Variants in CSMD1 observed in about 807,000 individuals in gnomAD.
The protein encoded by CSMD1 is CUB and sushi domain-containing protein 1.
A neutral mutation model predicts 417.5 loss-of-function variants in CSMD1; 213 were observed. The ratio of observed to expected loss-of-function variants is 0.51; its 90% CI spans 0.46 to 0.57. The LOEUF (loss-of-function observed/expected upper bound fraction) is 0.57, where lower values mean the gene tolerates loss of function less well. CSMD1 is among the 20% of genes least tolerant of loss of function. The probability of loss-of-function intolerance (pLI) is 0.00; values close to 1 mark genes in which losing one functional copy is unlikely to be tolerated. For synonymous variants in CSMD1, 2,862 were observed against 1,736.8 expected (o/e 1.65, Z -16.11); for missense variants, 6,923 against 4,529.7 (o/e 1.53, Z -15.17).
chr8:4,086,927 C>T (rs1169248604), intron 3 of CSMD1, among the ~76,000 whole-genome samples: 1 of 152,202 alleles, frequency 6.6e-6, no homozygotes, highest in Non-Finnish European at 1.5e-5. Flanking sequence ...GCTTGTTAAA[C>T]TCACTAACCA....
At chr8:3,231,597 G>A (rs1798843148) in intron 26 of CSMD1, among the ~76,000 whole-genome samples, 2 of 152,036 alleles carry the variant, frequency 1.3e-5, no homozygotes, top group South Asian at 4.1e-4. Context: ...AAAAGAATAA[G>A]ACCTGCTCTG....
chr8:3,611,362 G>A (rs1210988448), intron 8 of CSMD1, among the ~76,000 whole-genome samples: 6 of 152,122 alleles, frequency 3.9e-5, no homozygotes, highest in African/African-American at 1.2e-4. Flanking sequence ...AGGGAGCTCT[G>A]GAGGAACAAA....
chr8:4,630,448 TACTCAAAAACAAA>T (rs552397637), intron 2 of CSMD1, among the ~76,000 whole-genome samples: 328 of 151,990 alleles, frequency 2.2e-3, no homozygotes, highest in African/African-American at 7.6e-3. Context: ...CAACTGCAAA[TACTCAAAAACAAA>T]ACAAAACAAA....
At chr8:2,950,069 G>C (rs545834246) in intron 67 of CSMD1, among the ~76,000 whole-genome samples, 162 bp downstream of exon 67, 2 of 152,160 alleles carry the variant, frequency 1.3e-5, no homozygotes, top group East Asian at 3.9e-4. Flanking sequence ...ATAAAATGAA[G>C]GAATAAAATG....
chr8:3,439,292 TA>T, intron 12 of CSMD1, among the ~76,000 whole-genome samples: 1 of 46,178 alleles, frequency 2.2e-5, no homozygotes, highest in East Asian at 7.8e-4. Context: ...TATATATATA[TA>T]TATATATATA....
At chr8:4,405,124 T>C (rs541581701) in intron 3 of CSMD1, among the ~76,000 whole-genome samples, 10 of 152,338 alleles carry the variant, frequency 6.6e-5, no homozygotes, top group Admixed American at 2.0e-4. Flanking sequence ...TGCCTTAGCA[T>C]TGGTTATTTC....
intron 1 of CSMD1, among the ~76,000 whole-genome samples, chr8:4,703,786 G>A (rs1166046048): frequency 2.0e-5 from 3 of 152,120 alleles, no homozygotes; most frequent in Non-Finnish European, 4.4e-5. Context: ...GGGATACGAA[G>A]AGACCCGATC....
intron 3 of CSMD1, among the ~76,000 whole-genome samples, chr8:4,231,572 A>G (rs1801736179): frequency 6.6e-6 from 1 of 152,186 alleles, no homozygotes; most frequent in African/African-American, 2.4e-5. Flanking sequence ...TTTGCATGTA[A>G]CTATTATTGT....
At chr8:3,768,709 T>C (rs1273582832) in intron 5 of CSMD1, among the ~76,000 whole-genome samples, 2 of 152,238 alleles carry the variant, frequency 1.3e-5, no homozygotes, top group African/African-American at 4.8e-5. Context: ...AGCAAAGTTA[T>C]GTAATTTCTT....
intron 1 of CSMD1, chr8:4,787,710 T>G: frequency 1.3e-6 from 2 of 1,591,838 alleles, no homozygotes; most frequent in Non-Finnish European, 1.7e-6. Flanking sequence ...TCAAGGATGC[T>G]GCCAATAATG....
At chr8:4,969,475 TTCTC>T (rs965696426) in intron 1 of CSMD1, among the ~76,000 whole-genome samples, 5 of 151,080 alleles carry the variant, frequency 3.3e-5, no homozygotes, top group African/African-American at 7.3e-5. Flanking sequence ...TATTCATTCA[TTCTC>T]TCTCTCTCTT....
intron 3 of CSMD1, among the ~76,000 whole-genome samples, chr8:4,131,398 C>G (rs573372219): frequency 6.6e-6 from 1 of 152,260 alleles, no homozygotes; most frequent in African/African-American, 2.4e-5. Context: ...TTAAGCCTTC[C>G]TTGAGCTATT....
At chr8:3,436,163 C>A (rs562075934) in intron 12 of CSMD1, among the ~76,000 whole-genome samples, 6 of 152,210 alleles carry the variant, frequency 3.9e-5, no homozygotes, top group African/African-American at 1.4e-4. Context: ...TTATTACCAC[C>A]TGGGAGAACA....
Position 3,614,985 on chromosome 8 carries a change from A to G in CSMD1, c.1097+1725T>C, listed in dbSNP as rs145870378. On this transcript the variant is annotated intron_variant, in intron 8 of 69. Coordinates refer to ENST00000635120, the MANE Select transcript of CSMD1 (RefSeq NM_033225.6). ...ATGACTGTTGACACAAGGAAGGAAT[A>G]CATAGAATGGGGAGCCCTTGGAAGA... Among the ~76,000 whole-genome samples, 513 of 152,330 alleles carry G rather than the reference A, an allele frequency of 3.4e-3. 4 individuals carry two copies. Among genetic ancestry groups the G allele is most frequent in the African/African-American group, 0.012 (497 of 41,566 alleles).
At chr8:4,482,357 G>A (rs866595632) in intron 2 of CSMD1, among the ~76,000 whole-genome samples, 1 of 152,062 alleles carries the variant, frequency 6.6e-6, no homozygotes, top group Non-Finnish European at 1.5e-5. Flanking sequence ...TCGGTTTTCT[G>A]TTCCTGAGTT....
chr8:3,121,169 T>G (rs1375899090), intron 41 of CSMD1, among the ~76,000 whole-genome samples: 2 of 152,116 alleles, frequency 1.3e-5, no homozygotes, highest in African/African-American at 4.8e-5. Context: ...TTGTATAGAT[T>G]TCTGTGTATT....
At chr8:4,881,238 G>C (rs138989349) in intron 1 of CSMD1, among the ~76,000 whole-genome samples, 1 of 152,096 alleles carries the variant, frequency 6.6e-6, no homozygotes, top group Non-Finnish European at 1.5e-5. Context: ...ACTTCTCACT[G>C]AGTTATCAAT....
intron 2 of CSMD1, among the ~76,000 whole-genome samples, chr8:4,630,913 TCCCAGTCCTGACTGCACGGCTGC>T (rs993657205): frequency 1.3e-5 from 2 of 152,158 alleles, no homozygotes; most frequent in Non-Finnish European, 2.9e-5. Context: ...CTGGTCACTG[TCCCAGTCCTGACTGCACGGCTGC>T]CCCAGTGCCA....
chr8:4,924,018 C>G (rs1418123856), intron 1 of CSMD1, among the ~76,000 whole-genome samples: 1 of 152,094 alleles, frequency 6.6e-6, no homozygotes, highest in Non-Finnish European at 1.5e-5. Context: ...CATTTTTGTC[C>G]TCTGTCACAT....
Sources: allele counts gnomAD v4.1 joint callset (sites outside exome capture counted in the v4.1 genomes callset), GRCh38; gene constraint gnomAD v4.1.1; transcripts MANE v1.5; gene names NCBI Gene and HGNC (gene_info 2026-07-23, HGNC 2026-07-21).